Variants in GRM1 observed in about 807,000 individuals in gnomAD.
The protein encoded by GRM1 is metabotropic glutamate receptor 1.
GRM1 carries 33 observed loss-of-function variants against 90.9 expected under a neutral mutation model. The observed-to-expected ratio is 0.36, with a 90% confidence interval of 0.28 to 0.49. The LOEUF (loss-of-function observed/expected upper bound fraction) is 0.49, where lower values mean the gene tolerates loss of function less well. GRM1 is among the 20% of genes least tolerant of loss of function. The pLI, the probability that GRM1 is intolerant of heterozygous loss-of-function variation, is 0.99. For missense variants in GRM1, 1,190 were observed against 1,534.3 expected, an observed-to-expected ratio of 0.78 and a Z score of 3.75; for synonymous variants, 700 against 613.2, an observed-to-expected ratio of 1.14 and a Z score of -2.09.
At chr6:146,094,903 T>C (rs1243833074) in intron 1 of GRM1, among the ~76,000 whole-genome samples, 1 of 152,048 alleles carries the variant, frequency 6.6e-6, no homozygotes, top group Non-Finnish European at 1.5e-5. Flanking sequence ...CACAAGACAA[T>C]TCCTCCAAAG....
chr6:146,130,229 T>TTCCCTCCC (rs59893302), intron 1 of GRM1, among the ~76,000 whole-genome samples: 2 of 150,136 alleles, frequency 1.3e-5, no homozygotes, highest in African/African-American at 5.0e-5. Flanking sequence ...TTCTCTTTCT[T>TTCCCTCCC]TCCCTCCCTC....
chr6:146,116,688 A>G (rs1186487411), intron 1 of GRM1, among the ~76,000 whole-genome samples: 1 of 152,132 alleles, frequency 6.6e-6, no homozygotes, highest in East Asian at 1.9e-4. Context: ...TGTAGCTTTG[A>G]TAAAATTTAC....
chr6:146,238,048 C>T (rs1209335269), intron 2 of GRM1, among the ~76,000 whole-genome samples: 1 of 152,162 alleles, frequency 6.6e-6, no homozygotes, highest in Non-Finnish European at 1.5e-5. Context: ...GCTTCACTGA[C>T]ACCATCATTT....
chr6:146,291,796 G>GA, intron 2 of GRM1, among the ~76,000 whole-genome samples: 1 of 151,742 alleles, frequency 6.6e-6, no homozygotes, highest in South Asian at 2.1e-4. Context: ...ACTGTTTTTG[G>GA]AAAAATGGAA....
intron 2 of GRM1, among the ~76,000 whole-genome samples, chr6:146,277,324 T>C (rs1449886080): frequency 6.6e-6 from 1 of 152,210 alleles, no homozygotes; most frequent in Non-Finnish European, 1.5e-5. Context: ...TCCTGGGAGA[T>C]GAGCTAAACC....
In GRM1 at chr6:146,314,051, C is replaced by CTTTTTTTTTTTTTTTTTTTTTTTTTT. The variant is rs552986343; in HGVS notation, c.1186+9212_1186+9237dup. On this transcript the variant is annotated intron_variant, in intron 3 of 7. Coordinates refer to ENST00000282753, the MANE Select transcript of GRM1 (RefSeq NM_001278064.2). ...CACTGTATATATCAATAGTTAATTC[C>CTTTTTTTTTTTTTTTTTTTTTTTTTT]TTTTTTTTTTTTTTTTTTTTTTTTT... 3.2e-5 allele frequency among the ~76,000 whole-genome samples: 2 copies of CTTTTTTTTTTTTTTTTTTTTTTTTTT among 61,960 alleles called. 1 individual carries two copies. Among genetic ancestry groups the CTTTTTTTTTTTTTTTTTTTTTTTTTT allele is most frequent in the East Asian group, 1.4e-3 (2 of 1,444 alleles). 40.6% of individuals were successfully genotyped at this position (61,960 alleles called of 152,430 possible).
At chr6:146,428,215 G>A (rs535075200) in intron 7 of GRM1, among the ~76,000 whole-genome samples, 1 of 152,258 alleles carries the variant, frequency 6.6e-6, no homozygotes, top group African/African-American at 2.4e-5. Flanking sequence ...AGCCATGGTT[G>A]TTCCTGTTAA....
At position 146,396,247 on chromosome 6, in the gene GRM1, A is replaced by G. The variant is rs188392733; in HGVS notation, c.1730-2522A>G. 3.3e-4 allele frequency among the ~76,000 whole-genome samples: 51 copies of G among 152,288 alleles called. No individual in the cohort carries two copies. In the East Asian group the frequency reaches 6.9e-3, roughly 21 times the overall value. On this transcript the variant is annotated intron_variant, in intron 6 of 7. Transcript: ENST00000282753. ...AAGGTTTGTATTTAGACAGAGACAA[A>G]TCTCTGATACACAAGGAAGAGAGGC...
At chr6:146,381,786 G>C (rs1469539405) in intron 5 of GRM1, among the ~76,000 whole-genome samples, 2 of 151,984 alleles carry the variant, frequency 1.3e-5, no homozygotes, top group African/African-American at 4.8e-5. Context: ...CTCTTACAAA[G>C]AAAATTTTCT....
chr6:146,200,267 C>G (rs1046655406), intron 2 of GRM1, among the ~76,000 whole-genome samples: 1 of 152,150 alleles, frequency 6.6e-6, no homozygotes, highest in Non-Finnish European at 1.5e-5. Flanking sequence ...GGCAAGCTAC[C>G]AGTAAAGCTC....
chr6:146,047,922 C>T (rs555410748), intron 1 of GRM1, among the ~76,000 whole-genome samples: 1 of 152,066 alleles, frequency 6.6e-6, no homozygotes, highest in East Asian at 1.9e-4. Context: ...CACCTGACAC[C>T]TAGCTATGAT....
intron 7 of GRM1, among the ~76,000 whole-genome samples, chr6:146,423,779 G>A (rs1158296751): frequency 6.6e-6 from 1 of 152,062 alleles, no homozygotes; most frequent in Non-Finnish European, 1.5e-5. Flanking sequence ...TTTATCATTA[G>A]ACATCCCCAG....
intron 1 of GRM1, among the ~76,000 whole-genome samples, chr6:146,044,452 T>C (rs1054892721): frequency 2.0e-5 from 3 of 151,994 alleles, no homozygotes; most frequent in Admixed American, 6.6e-5. Context: ...CCTATGATGC[T>C]GTCTTCTACT....
chr6:146,434,995 G>A lies in GRM1; in HGVS notation c.*199G>A, dbSNP rs1778552719. The A allele has an allele frequency of 1.6e-6, 1 of 630,938 alleles. No homozygotes were observed. The highest frequency in any genetic ancestry group is 2.8e-6 in the Non-Finnish European group (1 of 354,082). The allele number at this position is 630,938 out of a possible 1,614,324, so 39.1% of individuals were successfully genotyped here. A position where few individuals can be genotyped will look rare whatever the true frequency, so the allele number is the denominator to read the frequency against. ...AGGACACCAAGCAAAAAATGTTCCA[G>A]GCCAGGATTCGGATTCTTGAATTAC... On this transcript the variant is annotated 3_prime_UTR_variant, in exon 8 of 8. Transcript: ENST00000282753.
chr6:146,143,921 T>C (rs919908092), intron 1 of GRM1, among the ~76,000 whole-genome samples: 2 of 152,202 alleles, frequency 1.3e-5, no homozygotes, highest in Non-Finnish European at 2.9e-5. Context: ...GATACCCAGC[T>C]CAAGGTCATA....
At chr6:146,408,322 G>C (rs1415127481) in intron 7 of GRM1, among the ~76,000 whole-genome samples, 1 of 152,140 alleles carries the variant, frequency 6.6e-6, no homozygotes, top group Non-Finnish European at 1.5e-5. Context: ...TCAGCTCATA[G>C]CAGATGTCTA....
At chr6:146,241,751 C>T (rs1264147696) in intron 2 of GRM1, among the ~76,000 whole-genome samples, 1 of 152,136 alleles carries the variant, frequency 6.6e-6, no homozygotes, top group Non-Finnish European at 1.5e-5. Context: ...GAGCCCTACT[C>T]AGTATCTTCA....
intron 2 of GRM1, among the ~76,000 whole-genome samples, chr6:146,282,276 A>G (rs1782595761): frequency 6.6e-6 from 1 of 152,148 alleles, no homozygotes; most frequent in Non-Finnish European, 1.5e-5. Context: ...CTTCTCCACA[A>G]TTGTATCACC....
At chr6:146,188,118 T>G (rs1182100641) in intron 2 of GRM1, among the ~76,000 whole-genome samples, 1 of 152,134 alleles carries the variant, frequency 6.6e-6, no homozygotes, top group Admixed American at 6.5e-5. Flanking sequence ...CCATACATTA[T>G]AGAATTAATG....
Sources: gnomAD v4.1 joint callset for allele counts (sites outside exome capture counted in the v4.1 genomes callset) on GRCh38, gnomAD v4.1.1 for gene constraint, MANE v1.5 for transcripts, NCBI Gene and HGNC (gene_info 2026-07-23, HGNC 2026-07-21) for gene names.